SLC6A6: variants seen among roughly 807,000 people sequenced by gnomAD.
SLC6A6 encodes the protein sodium- and chloride-dependent taurine transporter.
In SLC6A6, 16 loss-of-function variants were observed where a neutral mutation model predicts 68.8. The observed-to-expected ratio is 0.23, with a 90% CI of 0.16 to 0.35. The LOEUF (loss-of-function observed/expected upper bound fraction) is 0.35, where lower values mean the gene tolerates loss of function less well. SLC6A6 is among the 10% of genes least tolerant of loss of function. SLC6A6 has a pLI of 1.00. For synonymous variants in SLC6A6, 312 were observed against 315.4 expected (o/e 0.99, Z 0.12); for missense variants, 474 against 802.8 (o/e 0.59, Z 4.95).
intron 2 of SLC6A6, among the ~76,000 whole-genome samples, chr3:14,416,778 T>G (rs1699371559): frequency 6.6e-6 from 1 of 152,244 alleles, no homozygotes; most frequent in Non-Finnish European, 1.5e-5. Flanking sequence ...AAGTCTGCCG[T>G]GGGGAGGATG....
At position 14,450,293 on chromosome 3, in the gene SLC6A6, G is replaced by A. The variant is rs751253577; in HGVS notation, c.599+2477G>A. Among the ~76,000 whole-genome samples the A allele has an allele frequency of 5.9e-5, 9 of 152,138 alleles. No homozygotes were observed. The highest frequency in any genetic ancestry group is 8.8e-5 in the Non-Finnish European group (6 of 67,982). On this transcript the variant is annotated intron_variant, in intron 5 of 14. Transcript: ENST00000622186. This position sits in a 1 kb window ranked among gnomAD's most constrained non-coding sequence, Gnocchi z 4.1. ...CACCTTCCAGAGGGACCGGGCCCTC[G>A]GGGGTATTCTGGGACCCTTGCCTTC...
intron 2 of SLC6A6, among the ~76,000 whole-genome samples, chr3:14,424,270 T>C (rs1699542499): frequency 6.6e-6 from 1 of 151,768 alleles, no homozygotes; most frequent in Admixed American, 6.6e-5. Flanking sequence ...CTGTCCAGCC[T>C]GGGAGCTTGT....
At chr3:14,403,214 TC>T in intron 1 of SLC6A6, among the ~76,000 whole-genome samples, 1 of 152,148 alleles carries the variant, frequency 6.6e-6, no homozygotes, top group Non-Finnish European at 1.5e-5. Context: ...TTTCACCGTG[TC>T]CCCAGCAGCG....
chr3:14,406,379 A>C (rs191159516), intron 1 of SLC6A6, among the ~76,000 whole-genome samples: 84 of 152,212 alleles, frequency 5.5e-4, no homozygotes, highest in African/African-American at 1.9e-3. Flanking sequence ...TACTGGGTTT[A>C]AGGATAGTGG....
At chr3:14,435,032 C>T (rs958339663) in intron 2 of SLC6A6, among the ~76,000 whole-genome samples, 6 of 152,252 alleles carry the variant, frequency 3.9e-5, no homozygotes, top group African/African-American at 1.4e-4. Context: ...GTTCCAGAGG[C>T]TTGTTCTTTG....
At chr3:14,420,773 C>T (rs150737778) in intron 2 of SLC6A6, among the ~76,000 whole-genome samples, 5 of 152,248 alleles carry the variant, frequency 3.3e-5, no homozygotes, top group Admixed American at 6.5e-5. Context: ...CATGAGCCAC[C>T]GCGCCCAGCC....
intron 1 of SLC6A6, among the ~76,000 whole-genome samples, chr3:14,409,175 A>G (rs895244923): frequency 1.3e-5 from 2 of 152,196 alleles, no homozygotes; most frequent in African/African-American, 2.4e-5. Context: ...GTCTATCCCA[A>G]TAGCAGGCCA....
intron 4 of SLC6A6, among the ~76,000 whole-genome samples, chr3:14,446,598 C>G (rs1289514474): frequency 6.8e-6 from 1 of 146,798 alleles, no homozygotes; most frequent in Non-Finnish European, 1.5e-5. Context: ...TAGAGTGCAG[C>G]AGATAAACAT....
chr3:14,426,815 T>C (rs1425560604), intron 2 of SLC6A6, among the ~76,000 whole-genome samples: 1 of 151,920 alleles, frequency 6.6e-6, no homozygotes, highest in Non-Finnish European at 1.5e-5. Flanking sequence ...GCGGTCTTGG[T>C]GAGGAAGAAG....
At chr3:14,415,438 G>C (rs750198279) in intron 1 of SLC6A6, among the ~76,000 whole-genome samples, 22 of 152,170 alleles carry the variant, frequency 1.4e-4, no homozygotes, top group Admixed American at 5.9e-4. Context: ...GCAAGGAAAG[G>C]GGTCCTGGAG....
At chr3:14,412,130 G>A (rs930933742) in intron 1 of SLC6A6, among the ~76,000 whole-genome samples, 16 of 152,174 alleles carry the variant, frequency 1.1e-4, no homozygotes, top group Admixed American at 1.3e-4. Flanking sequence ...TTGTGGAAGC[G>A]CGTGCCACCA....
At chr3:14,428,961 T>G (rs1176101298) in intron 2 of SLC6A6, among the ~76,000 whole-genome samples, 1 of 152,220 alleles carries the variant, frequency 6.6e-6, no homozygotes, top group Non-Finnish European at 1.5e-5. Flanking sequence ...TTAGAGACAC[T>G]GCCTGGGGCC....
intron 1 of SLC6A6, among the ~76,000 whole-genome samples, chr3:14,409,002 G>A (rs1324822872): frequency 1.3e-5 from 2 of 152,194 alleles, no homozygotes; most frequent in African/African-American, 2.4e-5. Context: ...TAGAGACAGA[G>A]TTTCACCATG....
chr3:14,444,620 T>A (rs1700070034), intron 3 of SLC6A6: 1 of 410,728 alleles, frequency 2.4e-6, no homozygotes, highest in African/African-American at 2.1e-5. Context: ...GGCTGGTGAC[T>A]GCTTGTTGTC....
At chr3:14,435,616 G>C (rs1016602651) in intron 2 of SLC6A6, among the ~76,000 whole-genome samples, 2 of 152,238 alleles carry the variant, frequency 1.3e-5, no homozygotes, top group Non-Finnish European at 2.9e-5. Flanking sequence ...CTGTAGGCCA[G>C]CCTGGTCAGC....
At chr3:14,413,182 G>A (rs765854484) in intron 1 of SLC6A6, among the ~76,000 whole-genome samples, 9 of 152,182 alleles carry the variant, frequency 5.9e-5, no homozygotes, top group Non-Finnish European at 1.3e-4. Flanking sequence ...TGCTCTGGGC[G>A]CCTGGAAAAC....
Position 14,484,899 on chromosome 3 carries a change from C to T in SLC6A6, c.1755C>T (p.Pro585=), listed in dbSNP as rs1196385471. 11 of 1,612,086 alleles carry T rather than the reference C, an allele frequency of 6.8e-6. No homozygotes were observed. The highest frequency in any genetic ancestry group is 9.3e-6 in the Non-Finnish European group (11 of 1,180,020). The change falls in exon 15 of 15, where the codon CCC becomes CCT. Residue 585 remains proline (P), a synonymous_variant. Coordinates refer to ENST00000622186, the MANE Select transcript of SLC6A6 (RefSeq NM_003043.6). ...RVKYLLTPRE[P]NRWAVEREGA... Reference sequence around the variant, plus strand: ...AGTACCTGCTGACCCCAAGGGAACCCAACCGCTGGGCTGTGGAGCGCGAGG... The same window carrying T: ...AGTACCTGCTGACCCCAAGGGAACCTAACCGCTGGGCTGTGGAGCGCGAGG...
At chr3:14,439,692 G>A (rs530942081) in intron 2 of SLC6A6, among the ~76,000 whole-genome samples, 2 of 152,374 alleles carry the variant, frequency 1.3e-5, no homozygotes, top group South Asian at 2.1e-4. Flanking sequence ...GTCGGCGGGT[G>A]CAGGGACGCC....
chr3:14,415,603 C>G (rs1699345176), intron 1 of SLC6A6, among the ~76,000 whole-genome samples: 1 of 152,198 alleles, frequency 6.6e-6, no homozygotes, highest in Admixed American at 6.5e-5. Context: ...TTCCAGGAAT[C>G]CAGGAGAGCC....
Sources: allele counts gnomAD v4.1 joint callset (sites outside exome capture counted in the v4.1 genomes callset), GRCh38; gene constraint gnomAD v4.1.1; non-coding constraint Gnocchi (gnomAD v3.1); transcripts MANE v1.5; gene names NCBI Gene and HGNC (gene_info 2026-07-23, HGNC 2026-07-21).